Variants in ITM2C observed in about 807,000 individuals in gnomAD.
ITM2C encodes BRICHOS domain containing 2C.
ITM2C carries 20 observed loss-of-function variants against 30.0 expected under a neutral mutation model. That is an observed-to-expected ratio of 0.67 (90% CI 0.47 to 0.97). The LOEUF (loss-of-function observed/expected upper bound fraction) is 0.97. Among genes scored for constraint, ITM2C ranks in the 50% least tolerant of loss-of-function variants. The probability of loss-of-function intolerance (pLI) is 0.00; values close to 1 mark genes in which losing one functional copy is unlikely to be tolerated. For synonymous variants in ITM2C, 167 were observed against 156.4 expected, an observed-to-expected ratio of 1.07 and a Z score of -0.51; for missense variants, 366 against 371.9, an observed-to-expected ratio of 0.98 and a Z score of 0.13.
upstream of ITM2C, chr2:230,864,809 G>A (rs866776990): frequency 1.5e-5 from 5 of 342,396 alleles, no homozygotes; most frequent in African/African-American, 1.1e-4. This position sits in a 1 kb window ranked among gnomAD's most constrained non-coding sequence, Gnocchi z 4.3. Flanking sequence ...GCCCGGCAGG[G>A]GTCACTGCGG....
At chr2:230,867,479 G>A (rs902815946) in intron 1 of ITM2C, among the ~76,000 whole-genome samples, 6 of 152,130 alleles carry the variant, frequency 3.9e-5, no homozygotes, top group African/African-American at 9.7e-5. Context: ...TCTGTGAGCC[G>A]AGGGATGGCA....
Position 230,865,846 on chromosome 2 carries a change from C to G in ITM2C, c.120+701C>G, listed in dbSNP as rs933950628. On this transcript the variant is annotated intron_variant, in intron 1 of 5. Coordinates refer to ENST00000326427, the MANE Select transcript of ITM2C (RefSeq NM_030926.6). The surrounding 1 kb of genome is among the most constrained non-coding windows in gnomAD (Gnocchi z 6.8). ...CTGCCGTCTGGGCCTCCCTGCTCCC[C>G]TCTCTTTTCTCCATTCCCAGCCTCT... 1.3e-5 allele frequency: 2 copies of G among 152,514 alleles called. No individual in the cohort carries two copies. The highest frequency in any genetic ancestry group is 2.9e-5 in the Non-Finnish European group (2 of 68,152). 9.4% of individuals were successfully genotyped at this position (152,514 alleles called of 1,614,324 possible).
Position 230,865,098 on chromosome 2 carries a change from G to A in ITM2C, c.73G>A (p.Ala25Thr). ...CAAGGCTGACAAGGCGTCGGCGTCG[G>A]CCCCTGCGCCGGCCTCGGCCACCGA... is the stretch of plus-strand genomic sequence containing the variant. ...GDKADKASAS[A>T]PAPASATEIL... Residue 25 changes from alanine to threonine, a missense_variant, in exon 1 of 6, where the codon GCC becomes ACC. By Grantham distance (58) the Ala-to-Thr change is moderately conservative (BLOSUM62 0). Coordinates refer to ENST00000326427, the MANE Select transcript of ITM2C (RefSeq NM_030926.6). This position sits in a 1 kb window ranked among gnomAD's most constrained non-coding sequence, Gnocchi z 6.8. The A allele has an allele frequency of 6.6e-7, 1 of 1,519,774 alleles. No homozygotes were observed. Among genetic ancestry groups the A allele is most frequent in the Non-Finnish European group, 8.9e-7 (1 of 1,129,486 alleles). The allele number at this position is 1,519,774 out of a possible 1,614,324, so 94.1% of individuals were successfully genotyped here. A position where few individuals can be genotyped will look rare whatever the true frequency, so the allele number is the denominator to read the frequency against.
At chr2:230,867,663 AT>A (rs766636414) in intron 1 of ITM2C, among the ~76,000 whole-genome samples, 5 of 65,880 alleles carry the variant, frequency 7.6e-5, no homozygotes, top group East Asian at 6.3e-4. Flanking sequence ...ATTTTATTTT[AT>A]TTTATTTTTT....
At position 230,877,337 on chromosome 2, in the gene ITM2C, G is replaced by C; in HGVS notation, c.562-63G>C. The C allele has an allele frequency of 6.4e-7, 1 of 1,565,300 alleles. No individual in the cohort carries two copies. Among genetic ancestry groups the C allele is most frequent in the South Asian group, 1.2e-5 (1 of 86,808 alleles). On this transcript the variant is annotated intron_variant, in intron 4 of 5. Coordinates refer to ENST00000326427, the MANE Select transcript of ITM2C (RefSeq NM_030926.6). This position sits in a 1 kb window ranked among gnomAD's most constrained non-coding sequence, Gnocchi z 4.8. The stretch of plus-strand genomic sequence containing the variant: ...GAGGAGGGAGGTGGGCTGGCATTTC[G>C]GGCGAGGGGTTGGACGAAAGCCTGA...
At chr2:230,875,477 C>T (rs570590318) in intron 2 of ITM2C, 143 bp from the exon 3 acceptor site, 30 of 658,482 alleles carry the variant, frequency 4.6e-5, no homozygotes, top group Admixed American at 3.7e-4. Context: ...TCTCCATCTG[C>T]GAAATGGGTC....
chr2:230,871,596 C>T (rs1697166825), intron 1 of ITM2C, among the ~76,000 whole-genome samples: 1 of 152,180 alleles, frequency 6.6e-6, no homozygotes, highest in Non-Finnish European at 1.5e-5. Context: ...TCACGGGACC[C>T]CTAAAGCAGG....
chr2:230,868,053 A>C (rs1306315151), intron 1 of ITM2C, among the ~76,000 whole-genome samples: 2 of 151,238 alleles, frequency 1.3e-5, no homozygotes, highest in Non-Finnish European at 2.9e-5. Flanking sequence ...GCAGTTCTTG[A>C]CCTGTGTCCA....
At position 230,878,191 on chromosome 2, in the gene ITM2C, C is replaced by A; in HGVS notation, c.*92C>A. ...CCTCCTTCCCCCTGCTTAGCTTGTA[C>A]TTTGGACGCGTTTCTATAGAGGTGA... On this transcript the variant is annotated 3_prime_UTR_variant, in exon 6 of 6. Coordinates refer to ENST00000326427, the MANE Select transcript of ITM2C (RefSeq NM_030926.6). The surrounding 1 kb of genome is among the most constrained non-coding windows in gnomAD (Gnocchi z 4.5). The A allele has an allele frequency of 1.1e-6, 1 of 883,620 alleles. No individual in the cohort carries two copies. Among genetic ancestry groups the A allele is most frequent in the Non-Finnish European group, 1.7e-6 (1 of 588,712 alleles). The allele number at this position is 883,620 out of a possible 1,614,324, so 54.7% of individuals were successfully genotyped here.
chr2:230,875,637 C>T lies in ITM2C; in HGVS notation c.279C>T (p.Phe93=). 5.6e-6 allele frequency: 9 copies of T among 1,605,532 alleles called. No individual in the cohort carries two copies. Among genetic ancestry groups the T allele is most frequent in the Non-Finnish European group, 7.7e-6 (9 of 1,175,696 alleles). The part of the protein sequence containing the change: ...FFLAQLARDN[F]FRCGVLYEDS... The stretch of plus-strand genomic sequence containing the variant: ...TTGCTCAGCTGGCCCGAGATAACTT[C>T]TTCCGCTGTGGTGTGCTGTATGAGG... Residue 93 remains phenylalanine (F), a synonymous_variant, in exon 3 of 6, where the codon TTC becomes TTT. Transcript: ENST00000326427.
At chr2:230,874,828 G>A (rs553607272) in intron 2 of ITM2C, among the ~76,000 whole-genome samples, 6 of 152,184 alleles carry the variant, frequency 3.9e-5, no homozygotes, top group African/African-American at 7.2e-5. Context: ...TGGCCCGCCC[G>A]GCCATTCAGT....
In ITM2C at chr2:230,865,379, G is replaced by A; in HGVS notation, c.120+234G>A. ...GAAGAGTGGGAGGCGTCTGGTTCTG[G>A]TCTTCAGGTGGAGAAGTGCTCGAGG... On this transcript the variant is annotated intron_variant, in intron 1 of 5. Transcript: ENST00000326427. This position sits in a 1 kb window ranked among gnomAD's most constrained non-coding sequence, Gnocchi z 6.8. 2.4e-6 allele frequency: 1 copy of A among 412,206 alleles called. No individual in the cohort carries two copies. The allele number at this position is 412,206 out of a possible 1,614,324, so 25.5% of individuals were successfully genotyped here.
At chr2:230,870,032 G>A (rs1697125997) in intron 1 of ITM2C, among the ~76,000 whole-genome samples, 2 of 152,258 alleles carry the variant, frequency 1.3e-5, no homozygotes, top group African/African-American at 4.8e-5. Flanking sequence ...TGGTGCGGCT[G>A]GGGTCTCAGG....
chr2:230,875,911 G>A (rs1697285124), intron 3 of ITM2C, 103 bp downstream of exon 3: 2 of 971,086 alleles, frequency 2.1e-6, no homozygotes, highest in Non-Finnish European at 3.1e-6. Context: ...TACAGCAGGT[G>A]TCTACGGTTA....
rs2125026282 is a variant in ITM2C at position 230,877,398 on chromosome 2, A to G, written c.562-2A>G. The G allele has an allele frequency of 6.2e-7, 1 of 1,613,078 alleles. No homozygotes were observed. On this transcript the variant is annotated splice_acceptor_variant, in intron 4 of 5. Transcript: ENST00000326427. LOFTEE classifies it high-confidence loss of function. This position sits in a 1 kb window ranked among gnomAD's most constrained non-coding sequence, Gnocchi z 4.8. ...CACTGTGGCGGCCACCTTGTTTTGC[A>G]GAGGGGGACCTACCTGCCGCAGACG... is the stretch of plus-strand genomic sequence containing the variant.
chr2:230,870,439 G>A (rs774963181), intron 1 of ITM2C, among the ~76,000 whole-genome samples: 51 of 152,346 alleles, frequency 3.3e-4, no homozygotes, highest in Middle Eastern at 3.4e-3. Context: ...AGGCTGGAGC[G>A]GAGCTGGGAG....
intron 1 of ITM2C, among the ~76,000 whole-genome samples, chr2:230,872,436 T>G (rs953696926): frequency 1.3e-5 from 2 of 152,084 alleles, no homozygotes; most frequent in African/African-American, 4.8e-5. Flanking sequence ...TAAAGCAGTT[T>G]TGTTGAATTT....
At position 230,878,091 on chromosome 2, in the gene ITM2C, G is replaced by C; in HGVS notation, c.796G>C (p.Val266Leu). The C allele has an allele frequency of 6.3e-7, 1 of 1,588,942 alleles. No homozygotes were observed. The highest frequency in any genetic ancestry group is 1.1e-5 in the South Asian group (1 of 87,394). Reference sequence around the variant, plus strand: ...CGTGGTGGAGACGCTCATCTGCGGGGTGGTGTGAGGCCCTCCTCCCCCAGA... The same window carrying C: ...CGTGGTGGAGACGCTCATCTGCGGGCTGGTGTGAGGCCCTCCTCCCCCAGA... ...TFVVETLICG[V>L]V is the part of the protein sequence containing the mutation. The change falls in exon 6 of 6, where the codon GTG becomes CTG. Residue 266 changes from valine (V) to leucine (L), a missense_variant. Physicochemically the swap from Val to Leu is conservative, Grantham distance 32. Coordinates refer to ENST00000326427, the MANE Select transcript of ITM2C (RefSeq NM_030926.6). The surrounding 1 kb of genome is among the most constrained non-coding windows in gnomAD (Gnocchi z 4.5).
chr2:230,875,774 G>A lies in ITM2C; in HGVS notation c.416G>A (p.Gly139Asp). The A allele has an allele frequency of 6.5e-7, 1 of 1,536,946 alleles. No homozygotes were observed. The highest frequency in any genetic ancestry group is 8.8e-7 in the Non-Finnish European group (1 of 1,132,020). Residue 139 changes from glycine to aspartate, a missense_variant, in exon 3 of 6, where the codon GGT becomes GAT. Coordinates refer to ENST00000326427, the MANE Select transcript of ITM2C (RefSeq NM_030926.6). The stretch of plus-strand genomic sequence containing the variant: ...GTGCCTGTGCCCCAGTTTGGCGGCG[G>A]TGACCCTGCAGACATCATCCATGAC... ...INVPVPQFGG[G>D]DPADIIHDFQ...
Sources: allele counts gnomAD v4.1 joint callset (sites outside exome capture counted in the v4.1 genomes callset), GRCh38; gene constraint gnomAD v4.1.1; non-coding constraint Gnocchi (gnomAD v3.1); transcripts MANE v1.5; gene names NCBI Gene and HGNC (gene_info 2026-07-23, HGNC 2026-07-21).